Variants in ITSN1 observed in about 807,000 individuals in gnomAD.
ITSN1 encodes intersectin 1.
In ITSN1, 58 loss-of-function variants were observed where a neutral mutation model predicts 239.8. The ratio of observed to expected loss-of-function variants is 0.24; its 90% CI spans 0.20 to 0.30. The LOEUF is 0.30. Among genes scored for constraint, ITSN1 ranks in the 10% least tolerant of loss-of-function variants. The pLI is 1.00. For synonymous variants in ITSN1, 780 were observed against 770.8 expected (o/e 1.01, Z -0.20); for missense variants, 1,558 against 2,103.3 (o/e 0.74, Z 5.07).
chr21:33,887,651 G>A (rs927519309), intron 39 of ITSN1, among the ~76,000 whole-genome samples: 1 of 151,484 alleles, frequency 6.6e-6, no homozygotes, highest in Non-Finnish European at 1.5e-5. Context: ...TGTCACTCAG[G>A]CTGGAGCACA....
intron 20 of ITSN1, among the ~76,000 whole-genome samples, chr21:33,803,915 A>C (rs980367132): frequency 6.6e-5 from 10 of 152,220 alleles, no homozygotes; most frequent in Non-Finnish European, 1.0e-4. Context: ...TGTACTACAA[A>C]ATGCATTGTG....
At chr21:33,840,065 A>G (rs1410553232) in intron 29 of ITSN1, among the ~76,000 whole-genome samples, 1 of 152,234 alleles carries the variant, frequency 6.6e-6, no homozygotes, top group Admixed American at 6.5e-5. Context: ...CCTGTTGAAT[A>G]AATTTAATCA....
At chr21:33,679,881 G>A (rs528843129) in intron 1 of ITSN1, among the ~76,000 whole-genome samples, 2 of 152,026 alleles carry the variant, frequency 1.3e-5, no homozygotes, top group East Asian at 1.9e-4. Context: ...TGTATTTTTA[G>A]TAGAGACGAG....
intron 31 of ITSN1, among the ~76,000 whole-genome samples, chr21:33,863,829 G>A (rs77740453): frequency 0.016 from 2,429 of 152,228 alleles, 68 homozygotes; most frequent in African/African-American, 0.054. Context: ...ATTTTTGCTC[G>A]TTGTGGTATT....
chr21:33,716,359 C>T (rs1191645549), intron 1 of ITSN1: 1 of 152,238 alleles, frequency 6.6e-6, no homozygotes, highest in Non-Finnish European at 1.5e-5. Flanking sequence ...GATTGAAAGT[C>T]AAGTGAGCCT....
chr21:33,804,553 T>C (rs1001707779), intron 20 of ITSN1, among the ~76,000 whole-genome samples: 3 of 152,234 alleles, frequency 2.0e-5, no homozygotes, highest in Admixed American at 2.0e-4. Flanking sequence ...GACCAAATGC[T>C]TTCAATTGAG....
chr21:33,672,484 T>C (rs1218131078), intron 1 of ITSN1, among the ~76,000 whole-genome samples: 1 of 152,114 alleles, frequency 6.6e-6, no homozygotes, highest in African/African-American at 2.4e-5. Context: ...TAATAAGAAT[T>C]GGCCAGGATA....
chr21:33,886,221 A>AG, intron 38 of ITSN1, 66 bp from the exon 39 acceptor site: 1 of 1,380,868 alleles, frequency 7.2e-7, no homozygotes, highest in Non-Finnish European at 9.9e-7. Context: ...AAAAAAAAAA[A>AG]AAAAAAAGAG....
chr21:33,786,378 T>A (rs2070681042), intron 16 of ITSN1, among the ~76,000 whole-genome samples: 1 of 152,232 alleles, frequency 6.6e-6, no homozygotes, highest in African/African-American at 2.4e-5. Flanking sequence ...TACTTCAGTT[T>A]ACATGAAAAT....
At position 33,826,799 on chromosome 21, in the gene ITSN1, C is replaced by A. The variant is rs755172405; in HGVS notation, c.3184-19C>A. On this transcript the variant is annotated intron_variant, in intron 25 of 39. Transcript: ENST00000381318. The stretch of plus-strand genomic sequence containing the variant: ...TCAAAACTTCAGCATGCAAATGAGA[C>A]CTTTTGCTCTGTTTTAAGGGCTCTG... The A allele has an allele frequency of 5.6e-6, 9 of 1,611,076 alleles. No individual in the cohort carries two copies. The Admixed American group carries it at 1.5e-4, about 27-fold the overall frequency.
chr21:33,753,761 TAA>T lies in ITSN1; in HGVS notation c.624-1509_624-1508del, dbSNP rs760085854. 8.9e-4 allele frequency among the ~76,000 whole-genome samples: 73 copies of T among 81,752 alleles called. No homozygotes were observed. The South Asian group carries it at 0.018, about 20-fold the overall frequency. The allele number at this position is 81,752 out of a possible 152,430, so 53.6% of individuals were successfully genotyped here. A position where few individuals can be genotyped will look rare whatever the true frequency, so the allele number is the denominator to read the frequency against. ...TGGGTGACACGGCAAGTCTCTTTCT[TAA>T]AAAAAAAAAAAAAAAAAAAAAAAAA... is the stretch of plus-strand genomic sequence containing the variant. On this transcript the variant is annotated intron_variant, in intron 7 of 39. Coordinates refer to ENST00000381318, the MANE Select transcript of ITSN1 (RefSeq NM_003024.3).
At chr21:33,742,053 A>T (rs1477598196) in intron 5 of ITSN1, among the ~76,000 whole-genome samples, 3 of 151,520 alleles carry the variant, frequency 2.0e-5, no homozygotes, top group Non-Finnish European at 4.4e-5. Context: ...CACTATTTTT[A>T]AAATCTTTTT....
chr21:33,767,241 CAA>C (rs1014991611), intron 10 of ITSN1, among the ~76,000 whole-genome samples: 21 of 151,992 alleles, frequency 1.4e-4, no homozygotes, highest in Non-Finnish European at 2.5e-4. Context: ...AATTAGTAAA[CAA>C]AGTGATTTGT....
At chr21:33,729,935 C>T (rs2066065616) in intron 4 of ITSN1, among the ~76,000 whole-genome samples, 1 of 152,106 alleles carries the variant, frequency 6.6e-6, no homozygotes, top group South Asian at 2.1e-4. Context: ...TTTTATTTTC[C>T]TTTCACAGTA....
chr21:33,823,828 C>CT (rs2148311288), intron 25 of ITSN1, among the ~76,000 whole-genome samples, 175 bp downstream of exon 25: 1 of 152,318 alleles, frequency 6.6e-6, no homozygotes, highest in African/African-American at 2.4e-5. Context: ...GCAGTAAGCA[C>CT]TGGCTTCCCC....
intron 27 of ITSN1, among the ~76,000 whole-genome samples, chr21:33,832,295 C>T (rs1289024553): frequency 6.6e-6 from 1 of 152,230 alleles, no homozygotes; most frequent in African/African-American, 2.4e-5. Context: ...CACCGTGTCC[C>T]TCCCCTGAGC....
intron 16 of ITSN1, among the ~76,000 whole-genome samples, chr21:33,792,306 G>A (rs888030627): frequency 2.0e-5 from 3 of 152,084 alleles, no homozygotes; most frequent in African/African-American, 2.4e-5. Context: ...CTGGGTTCTC[G>A]CCATTCTCCT....
chr21:33,787,115 G>A (rs761478074), intron 16 of ITSN1, among the ~76,000 whole-genome samples: 10 of 152,124 alleles, frequency 6.6e-5, no homozygotes, highest in Non-Finnish European at 1.0e-4. Flanking sequence ...TCCTATTGAC[G>A]AGTTGCGTGT....
At position 33,739,645 on chromosome 21, in the gene ITSN1, T is replaced by C. The variant is rs75895200; in HGVS notation, c.346+4441T>C. On this transcript the variant is annotated intron_variant, in intron 5 of 39. Coordinates refer to ENST00000381318, the MANE Select transcript of ITSN1 (RefSeq NM_003024.3). The stretch of plus-strand genomic sequence containing the variant: ...GGGAAGAATTCTTTGAGCAGATGAC[T>C]TTTGGAACTGATGTAGATGATGAGA... Among the ~76,000 whole-genome samples, 1,838 of 152,250 alleles carry C rather than the reference T, an allele frequency of 0.012. 115 individuals carry two copies. In the East Asian group the frequency reaches 0.17, roughly 14 times the overall value.
Sources: allele counts gnomAD v4.1 joint callset (sites outside exome capture counted in the v4.1 genomes callset), GRCh38; gene constraint gnomAD v4.1.1; transcripts MANE v1.5; gene names NCBI Gene and HGNC (gene_info 2026-07-23, HGNC 2026-07-21).